The following COL22A1 variants were observed in gnomAD, a reference collection of about 807,000 sequenced individuals.
COL22A1 encodes collagen type XXII alpha 1 chain.
A neutral mutation model predicts 248.9 loss-of-function variants in COL22A1; 221 were observed. The observed-to-expected ratio is 0.89, with a 90% CI of 0.80 to 0.99. The LOEUF (loss-of-function observed/expected upper bound fraction) is 0.99. Ranked by LOEUF, COL22A1 falls within the 50% of genes least tolerant of loss-of-function variation. COL22A1 has a pLI of 0.00. For synonymous variants in COL22A1, 891 were observed against 793.4 expected, an observed-to-expected ratio of 1.12 and a Z score of -2.07; for missense variants, 2,240 against 2,179.0, an observed-to-expected ratio of 1.03 and a Z score of -0.56.
intron 40 of COL22A1, among the ~76,000 whole-genome samples, chr8:138,677,506 C>T (rs946740368): frequency 6.4e-5 from 6 of 93,152 alleles, no homozygotes; most frequent in Non-Finnish European, 1.3e-4. Flanking sequence ...TGGCCAAGGC[C>T]GAGCCACGCC....
intron 6 of COL22A1, among the ~76,000 whole-genome samples, chr8:138,821,876 A>G (rs1819168391): frequency 6.6e-6 from 1 of 152,058 alleles, no homozygotes; most frequent in African/African-American, 2.4e-5. Context: ...ATTACCCTAC[A>G]CTGTCTTTTA....
intron 3 of COL22A1, among the ~76,000 whole-genome samples, chr8:138,846,976 C>G (rs1431422768): frequency 6.6e-6 from 1 of 152,176 alleles, no homozygotes; most frequent in Non-Finnish European, 1.5e-5. Context: ...CCATGCTTCC[C>G]AGGGCTCCTC....
chr8:138,800,822 T>A (rs1816939895), intron 11 of COL22A1, among the ~76,000 whole-genome samples: 2 of 152,296 alleles, frequency 1.3e-5, no homozygotes, highest in African/African-American at 4.8e-5. Context: ...ACAGCACGTG[T>A]CCTAAAGTGG....
chr8:138,612,173 G>A (rs35599134), intron 56 of COL22A1, among the ~76,000 whole-genome samples: 1 of 152,146 alleles, frequency 6.6e-6, no homozygotes, highest in African/African-American at 2.4e-5. Flanking sequence ...GGGGTGAAAA[G>A]GGAATTTTCT....
chr8:138,664,805 G>A (rs1160400194), intron 41 of COL22A1, among the ~76,000 whole-genome samples: 3 of 152,136 alleles, frequency 2.0e-5, no homozygotes, highest in African/African-American at 7.2e-5. Flanking sequence ...AGCACGAGGA[G>A]AACTTGAGAA....
At chr8:138,693,160 C>A (rs1200239388) in intron 35 of COL22A1, among the ~76,000 whole-genome samples, 2 of 152,154 alleles carry the variant, frequency 1.3e-5, no homozygotes, top group East Asian at 1.9e-4. Context: ...CACCCTGGAT[C>A]TGGCCCCAAG....
intron 25 of COL22A1, 91 bp from the exon 26 acceptor site, chr8:138,722,180 C>T: frequency 3.6e-6 from 4 of 1,119,724 alleles, no homozygotes; most frequent in Non-Finnish European, 5.1e-6. Context: ...GCTGTTTTTG[C>T]AGCCAGAATG....
chr8:138,902,739 T>TATATACACACACACACACAC (rs763466994), intron 1 of COL22A1, among the ~76,000 whole-genome samples: 2 of 93,872 alleles, frequency 2.1e-5, no homozygotes, highest in African/African-American at 9.1e-5. Context: ...TATATATATA[T>TATATACACACACACACACAC]ACACACACAC....
intron 41 of COL22A1, among the ~76,000 whole-genome samples, chr8:138,668,566 T>G (rs1406357844): frequency 1.3e-5 from 2 of 152,252 alleles, no homozygotes; most frequent in Admixed American, 1.3e-4. Context: ...CTTTCTCTGC[T>G]GTCAGGCTGT....
chr8:138,723,827 C>A (rs73443086), intron 25 of COL22A1, among the ~76,000 whole-genome samples: 6,484 of 152,234 alleles, frequency 0.043, 212 homozygotes, highest in African/African-American at 0.097. Flanking sequence ...CGACCACAGG[C>A]CCCCTGGGCG....
chr8:138,762,609 C>CACACTCA, intron 16 of COL22A1, 143 bp from the exon 17 acceptor site: 1 of 639,646 alleles, frequency 1.6e-6, no homozygotes, highest in Non-Finnish European at 2.8e-6. Context: ...CACACACACA[C>CACACTCA]AACAGCCCTA....
intron 47 of COL22A1, among the ~76,000 whole-genome samples, chr8:138,643,606 C>CAA (rs1821909930): frequency 2.4e-5 from 2 of 83,648 alleles, no homozygotes; most frequent in Non-Finnish European, 5.2e-5. Context: ...TATCCCTATG[C>CAA]AATATAGATA....
intron 3 of COL22A1, among the ~76,000 whole-genome samples, chr8:138,874,319 G>T (rs190222076): frequency 6.6e-6 from 1 of 152,154 alleles, no homozygotes; most frequent in Non-Finnish European, 1.5e-5. Flanking sequence ...TGATCAGGGC[G>T]GACGTGTGTT....
intron 30 of COL22A1, among the ~76,000 whole-genome samples, chr8:138,705,716 G>A (rs1164502885): frequency 6.6e-6 from 1 of 152,194 alleles, no homozygotes; most frequent in Non-Finnish European, 1.5e-5. Context: ...GGAAGAAACT[G>A]CATCAACTAA....
At chr8:138,791,158 C>T (rs573323981) in intron 12 of COL22A1, among the ~76,000 whole-genome samples, 1 of 152,250 alleles carries the variant, frequency 6.6e-6, no homozygotes, top group East Asian at 1.9e-4. Context: ...AGGACAATGC[C>T]CATAGAAATG....
intron 16 of COL22A1, among the ~76,000 whole-genome samples, chr8:138,765,358 G>C (rs575839110): frequency 6.6e-6 from 1 of 152,264 alleles, no homozygotes; most frequent in Non-Finnish European, 1.5e-5. Flanking sequence ...GAAACTGGGA[G>C]CCCTAGGGTG....
In COL22A1 at chr8:138,674,649, G is replaced by A. The variant is rs115673127; in HGVS notation, c.3150+1909C>T. On this transcript the variant is annotated intron_variant, in intron 41 of 64. Coordinates refer to ENST00000303045, the MANE Select transcript of COL22A1 (RefSeq NM_152888.3). ...GTGGCAGGTGGGGTGAATTGTGTCC[G>A]CCTCCACAGCCAGCTTTCTGTAAGG... Among the ~76,000 whole-genome samples the A allele has an allele frequency of 2.3e-3, 351 of 152,216 alleles. 1 individual carries two copies. Among genetic ancestry groups the A allele is most frequent in the African/African-American group, 7.7e-3 (318 of 41,524 alleles).
chr8:138,871,791 T>G (rs1279336549), intron 3 of COL22A1, among the ~76,000 whole-genome samples: 1 of 152,244 alleles, frequency 6.6e-6, no homozygotes, highest in Non-Finnish European at 1.5e-5. Context: ...CAACTATATA[T>G]ATAAGTTGTA....
intron 22 of COL22A1, among the ~76,000 whole-genome samples, chr8:138,745,425 A>C (rs1586634932): frequency 6.6e-6 from 1 of 152,302 alleles, no homozygotes; most frequent in East Asian, 1.9e-4. Flanking sequence ...TATTAATGTC[A>C]TTACCTATTT....
Sources: allele counts gnomAD v4.1 joint callset (sites outside exome capture counted in the v4.1 genomes callset), GRCh38; gene constraint gnomAD v4.1.1; transcripts MANE v1.5; gene names NCBI Gene and HGNC (gene_info 2026-07-23, HGNC 2026-07-21).